Variants in SLC24A3 observed in about 807,000 individuals in gnomAD.
The protein encoded by SLC24A3 is solute carrier family 24 member 3, also known as sodium/potassium/calcium exchanger 3.
A neutral mutation model predicts 75.8 loss-of-function variants in SLC24A3; 28 were observed. That is an observed-to-expected ratio of 0.37 (90% CI 0.27 to 0.51). The LOEUF (loss-of-function observed/expected upper bound fraction) is 0.51, where lower values mean the gene tolerates loss of function less well. Ranked by LOEUF, SLC24A3 falls within the 20% of genes least tolerant of loss-of-function variation. The probability of loss-of-function intolerance (pLI) is 0.94; values close to 1 mark genes in which losing one functional copy is unlikely to be tolerated. For missense variants in SLC24A3, 663 were observed against 847.8 expected, an observed-to-expected ratio of 0.78 and a Z score of 2.71; for synonymous variants, 372 against 334.1, an observed-to-expected ratio of 1.11 and a Z score of -1.24.
intron 1 of SLC24A3, among the ~76,000 whole-genome samples, chr20:19,227,185 G>T (rs183591192): frequency 2.2e-4 from 33 of 152,254 alleles, no homozygotes; most frequent in African/African-American, 7.7e-4. Context: ...ATGGTGTCCC[G>T]TTGGTTTAGT....
chr20:19,546,666 A>G (rs1165989552), intron 3 of SLC24A3, among the ~76,000 whole-genome samples: 2 of 152,192 alleles, frequency 1.3e-5, no homozygotes, highest in African/African-American at 4.8e-5. Context: ...GTCCTTTCCA[A>G]TTTGGAGTTT....
intron 2 of SLC24A3, among the ~76,000 whole-genome samples, chr20:19,432,009 G>A (rs558280053): frequency 6.6e-4 from 101 of 152,254 alleles, no homozygotes; most frequent in African/African-American, 2.4e-3. Flanking sequence ...TTTAAGGTAA[G>A]TTGAGTGACT....
At chr20:19,581,648 T>A (rs1229473673) in intron 4 of SLC24A3, among the ~76,000 whole-genome samples, 2 of 152,232 alleles carry the variant, frequency 1.3e-5, no homozygotes, top group Admixed American at 1.3e-4. Flanking sequence ...TGTCTACCTG[T>A]CTTTAATCAT....
At chr20:19,328,550 ACAACACC>A (rs968118934) in intron 2 of SLC24A3, among the ~76,000 whole-genome samples, 6 of 152,108 alleles carry the variant, frequency 3.9e-5, no homozygotes, top group Non-Finnish European at 5.9e-5. Flanking sequence ...TGAATTGGTG[ACAACACC>A]CTGAAGGAGT....
chr20:19,632,682 A>G (rs989919062), intron 6 of SLC24A3, among the ~76,000 whole-genome samples: 2 of 152,208 alleles, frequency 1.3e-5, no homozygotes, highest in South Asian at 2.1e-4. Context: ...GTGTTTTTAT[A>G]GGAGACCATC....
At chr20:19,678,005 G>A (rs2032548114) in intron 9 of SLC24A3, among the ~76,000 whole-genome samples, 1 of 151,598 alleles carries the variant, frequency 6.6e-6, no homozygotes, top group Non-Finnish European at 1.5e-5. Flanking sequence ...ACATGTTTCA[G>A]AGAGCACAGG....
intron 1 of SLC24A3, among the ~76,000 whole-genome samples, chr20:19,264,483 G>C (rs1476168504): frequency 6.6e-6 from 1 of 152,060 alleles, no homozygotes; most frequent in African/African-American, 2.4e-5. Flanking sequence ...CCAGCACTTT[G>C]GGAGGCCGAG....
intron 9 of SLC24A3, among the ~76,000 whole-genome samples, chr20:19,681,598 G>T (rs1003513088): frequency 6.6e-6 from 1 of 152,222 alleles, no homozygotes; most frequent in Admixed American, 6.5e-5. Flanking sequence ...AGGTGGCAAA[G>T]TAAGCAATGT....
chr20:19,348,572 C>T (rs1387371850), intron 2 of SLC24A3, among the ~76,000 whole-genome samples: 1 of 152,140 alleles, frequency 6.6e-6, no homozygotes, highest in East Asian at 1.9e-4. Context: ...CCAGTTCCAG[C>T]CCCCAATGCC....
chr20:19,351,946 G>T (rs912473943), intron 2 of SLC24A3, among the ~76,000 whole-genome samples: 3 of 152,088 alleles, frequency 2.0e-5, no homozygotes, highest in African/African-American at 7.2e-5. Context: ...GGTGTCATAG[G>T]TGGGGCTCCT....
intron 15 of SLC24A3, among the ~76,000 whole-genome samples, chr20:19,709,883 G>A (rs938130653): frequency 5.3e-5 from 8 of 152,138 alleles, no homozygotes; most frequent in African/African-American, 1.9e-4. Context: ...CATATTTCAT[G>A]AGTGGCCACC....
In SLC24A3 at chr20:19,228,667, G is replaced by A. The variant is rs572365110; in HGVS notation, c.142+15683G>A. On this transcript the variant is annotated intron_variant, in intron 1 of 16. Transcript: ENST00000328041. ...CTCAAAAAAAAAAAAATTAGCCATGGATGTTGAATGTGATCAAATGCCTTA... is the reference window on the plus strand; with the variant it reads ...CTCAAAAAAAAAAAAATTAGCCATGAATGTTGAATGTGATCAAATGCCTTA... Among the ~76,000 whole-genome samples the A allele has an allele frequency of 4.6e-5, 7 of 152,020 alleles. No individual in the cohort carries two copies. The East Asian group carries it at 9.7e-4, about 21-fold the overall frequency.
intron 6 of SLC24A3, among the ~76,000 whole-genome samples, chr20:19,634,773 G>A (rs2031979123): frequency 1.3e-5 from 2 of 151,744 alleles, no homozygotes; most frequent in African/African-American, 2.4e-5. Flanking sequence ...AAGCCGGGGG[G>A]GACACTTTTC....
At chr20:19,635,413 G>A (rs1201289454) in intron 6 of SLC24A3, among the ~76,000 whole-genome samples, 1 of 152,188 alleles carries the variant, frequency 6.6e-6, no homozygotes, top group Admixed American at 6.5e-5. Flanking sequence ...TGTGTGAGTA[G>A]GTTGATGAAG....
At chr20:19,214,787 GT>G (rs1981508234) in intron 1 of SLC24A3, among the ~76,000 whole-genome samples, 1 of 152,168 alleles carries the variant, frequency 6.6e-6, no homozygotes, top group Non-Finnish European at 1.5e-5. Flanking sequence ...CTCAGATTTA[GT>G]TCCATAGCAC....
intron 7 of SLC24A3, among the ~76,000 whole-genome samples, chr20:19,659,314 C>G (rs1160489528): frequency 6.6e-6 from 1 of 152,164 alleles, no homozygotes; most frequent in Non-Finnish European, 1.5e-5. Context: ...GTCATGGCAC[C>G]GAGTGAATGG....
At chr20:19,329,460 G>A (rs1472167124) in intron 2 of SLC24A3, among the ~76,000 whole-genome samples, 3 of 152,094 alleles carry the variant, frequency 2.0e-5, no homozygotes, top group African/African-American at 4.8e-5. Context: ...GAAACACAAC[G>A]AGATGCTCTC....
intron 2 of SLC24A3, among the ~76,000 whole-genome samples, chr20:19,373,541 G>A (rs908871042): frequency 6.6e-6 from 1 of 152,140 alleles, no homozygotes; most frequent in Non-Finnish European, 1.5e-5. Flanking sequence ...TAACTCTTGA[G>A]GGACACTGAG....
intron 2 of SLC24A3, among the ~76,000 whole-genome samples, chr20:19,322,373 T>TC (rs1394831859): frequency 8.5e-6 from 1 of 117,296 alleles, no homozygotes; most frequent in Admixed American, 8.3e-5. Context: ...TTCCCTTCCT[T>TC]CCTTCCTTCC....
Sources: allele counts gnomAD v4.1 joint callset (sites outside exome capture counted in the v4.1 genomes callset), GRCh38; gene constraint gnomAD v4.1.1; transcripts MANE v1.5; gene names NCBI Gene and HGNC (gene_info 2026-07-23, HGNC 2026-07-21).